ESYT2: variants seen among roughly 807,000 people sequenced by gnomAD.
ESYT2 encodes extended synaptotagmin-2.
In ESYT2, 54 loss-of-function variants were observed where a neutral mutation model predicts 107.2. The observed-to-expected ratio is 0.50, with a 90% CI of 0.40 to 0.63. The LOEUF is 0.63. Ranked by LOEUF, ESYT2 falls within the 30% of genes least tolerant of loss-of-function variation. The probability of loss-of-function intolerance (pLI) is 0.00; values close to 1 mark genes in which losing one functional copy is unlikely to be tolerated. For missense variants in ESYT2, 1,020 were observed against 1,094.5 expected, an observed-to-expected ratio of 0.93 and a Z score of 0.96; for synonymous variants, 491 against 434.1, an observed-to-expected ratio of 1.13 and a Z score of -1.63.
At chr7:158,785,435 A>C (rs1239967873) in intron 6 of ESYT2, among the ~76,000 whole-genome samples, 1 of 66,734 alleles carries the variant, frequency 1.5e-5, no homozygotes, top group African/African-American at 6.0e-5. Flanking sequence ...CAAAATAAAT[A>C]AATAAATAAA....
intron 20 of ESYT2, among the ~76,000 whole-genome samples, chr7:158,736,347 C>T (rs1397238606): frequency 6.6e-6 from 1 of 152,180 alleles, no homozygotes; most frequent in Non-Finnish European, 1.5e-5. Flanking sequence ...TAGCAGATAG[C>T]GACACCATAC....
intron 6 of ESYT2, among the ~76,000 whole-genome samples, chr7:158,781,367 C>G (rs1838794651): frequency 6.6e-6 from 1 of 150,590 alleles, no homozygotes; most frequent in East Asian, 2.0e-4. Context: ...AGAACGAGAA[C>G]AAGTGTGAGA....
chr7:158,776,189 C>G (rs547256712), intron 6 of ESYT2, among the ~76,000 whole-genome samples: 2 of 152,274 alleles, frequency 1.3e-5, no homozygotes, highest in African/African-American at 2.4e-5. Flanking sequence ...AGAACACAGA[C>G]AGTGTAGATA....
chr7:158,782,320 G>A (rs113116335), intron 6 of ESYT2, among the ~76,000 whole-genome samples: 1 of 138,308 alleles, frequency 7.2e-6, no homozygotes, highest in African/African-American at 2.5e-5. Context: ...GTGAGTGAAC[G>A]AGTGTGAGAA....
chr7:158,784,660 G>A (rs1407880797), intron 6 of ESYT2, among the ~76,000 whole-genome samples: 4 of 152,216 alleles, frequency 2.6e-5, no homozygotes, highest in Non-Finnish European at 4.4e-5. Context: ...TACACGTCAT[G>A]AGACATCAAT....
chr7:158,799,488 G>T (rs1301463864), intron 1 of ESYT2, among the ~76,000 whole-genome samples: 3 of 152,112 alleles, frequency 2.0e-5, no homozygotes, highest in Non-Finnish European at 2.9e-5. Flanking sequence ...GGCCAGCCGT[G>T]GTGGCCCAAA....
chr7:158,792,484 C>T (rs1307358266), intron 4 of ESYT2, among the ~76,000 whole-genome samples: 2 of 150,948 alleles, frequency 1.3e-5, no homozygotes, highest in Non-Finnish European at 1.5e-5. Flanking sequence ...GCCAAGACTG[C>T]GCCACTGCAC....
rs1836816019 is a variant in ESYT2, at chr7:158,733,570, AACTT to A, written c.*633_*636del. 1 of 152,248 alleles carries A rather than the reference AACTT, an allele frequency of 6.6e-6. No homozygotes were observed. Among genetic ancestry groups the A allele is most frequent in the Non-Finnish European group, 1.5e-5 (1 of 68,048 alleles). 9.4% of individuals were successfully genotyped at this position (152,248 alleles called of 1,614,324 possible). ...AAACATTTTTCCTTATAAGCCCTTC[AACTT>A]ACTTCTCAATAATACATCCTTATAT... On this transcript the variant is annotated 3_prime_UTR_variant, in exon 23 of 23. Coordinates refer to ENST00000275418, the MANE Select transcript of ESYT2 (RefSeq NM_001367773.1).
At chr7:158,775,058 T>C (rs1048848225) in intron 6 of ESYT2, among the ~76,000 whole-genome samples, 1 of 152,160 alleles carries the variant, frequency 6.6e-6, no homozygotes, top group African/African-American at 2.4e-5. Context: ...GTGGGCTGGG[T>C]TCTAGAGCAG....
chr7:158,781,552 T>C (rs1838812127), intron 6 of ESYT2, among the ~76,000 whole-genome samples: 1 of 150,324 alleles, frequency 6.7e-6, no homozygotes, highest in Non-Finnish European at 1.5e-5. Flanking sequence ...CGAGAACAAG[T>C]GAGTGAACGA....
At chr7:158,749,338 C>T (rs1348565245) in intron 15 of ESYT2, among the ~76,000 whole-genome samples, 4 of 152,078 alleles carry the variant, frequency 2.6e-5, no homozygotes, top group Admixed American at 6.5e-5. Flanking sequence ...AGGCTGGTCT[C>T]GAACTCCTGA....
intron 13 of ESYT2, among the ~76,000 whole-genome samples, chr7:158,754,423 G>A (rs868194739): frequency 4.6e-5 from 7 of 152,118 alleles, no homozygotes; most frequent in Non-Finnish European, 7.4e-5. Context: ...ATGTTGGCCA[G>A]GATGGTCTTG....
chr7:158,735,227 A>G (rs909958343), intron 21 of ESYT2, among the ~76,000 whole-genome samples: 1 of 152,266 alleles, frequency 6.6e-6, no homozygotes, highest in African/African-American at 2.4e-5. Flanking sequence ...AAAGAATTTT[A>G]GAAAAAGAGC....
chr7:158,748,724 T>G (rs1007427064), intron 15 of ESYT2, among the ~76,000 whole-genome samples: 6 of 151,794 alleles, frequency 4.0e-5, no homozygotes, highest in Admixed American at 2.0e-4. Context: ...TATTTTTTAT[T>G]TTTTTTTGGT....
At chr7:158,785,053 T>G (rs991043049) in intron 6 of ESYT2, among the ~76,000 whole-genome samples, 1 of 152,226 alleles carries the variant, frequency 6.6e-6, no homozygotes, top group Non-Finnish European at 1.5e-5. Context: ...GGATTCCCTA[T>G]GCACAGCCAA....
chr7:158,748,090 C>G (rs548907281), intron 16 of ESYT2, 104 bp downstream of exon 16: 1 of 999,016 alleles, frequency 1.0e-6, no homozygotes, highest in African/African-American at 1.6e-5. Flanking sequence ...CTGATTCTGG[C>G]GATGGATCCC....
chr7:158,791,158 T>C (rs1264563194), intron 4 of ESYT2, among the ~76,000 whole-genome samples: 1 of 152,204 alleles, frequency 6.6e-6, no homozygotes, highest in African/African-American at 2.4e-5. Context: ...GTCTATGAGT[T>C]TGACTCCCCC....
At chr7:158,807,094 A>G (rs1839851704) in intron 1 of ESYT2, among the ~76,000 whole-genome samples, 1 of 151,894 alleles carries the variant, frequency 6.6e-6, no homozygotes. Context: ...TACTAAAAAT[A>G]CAAAAAATTA....
In ESYT2 at chr7:158,829,152, C is replaced by T. The variant is rs1459399922; in HGVS notation, c.267G>A (p.Ala89=). The T allele has an allele frequency of 1.3e-6, 2 of 1,559,684 alleles. No homozygotes were observed. The highest frequency in any genetic ancestry group is 1.4e-5 in the African/African-American group (1 of 72,582). Residue 89 remains alanine (A), a synonymous_variant, in exon 1 of 23, where the codon GCG becomes GCA. Transcript: ENST00000275418. ...CGACGCGCTCCTCGTCTTCCAGCAG[C>T]GCCAGCGCGCGGCACAGGCGCAGGG... ...LKALRLCRAL[A]LLEDEERVVR...
Sources: gnomAD v4.1 joint callset for allele counts (sites outside exome capture counted in the v4.1 genomes callset) on GRCh38, gnomAD v4.1.1 for gene constraint, MANE v1.5 for transcripts, NCBI Gene and HGNC (gene_info 2026-07-23, HGNC 2026-07-21) for gene names.